Variants in TTC34 observed in about 807,000 individuals in gnomAD.
The protein encoded by TTC34 is tetratricopeptide repeat protein 34.
In TTC34, 44 loss-of-function variants were observed where a neutral mutation model predicts 40.7. The observed-to-expected ratio is 1.08, with a 90% confidence interval of 0.85 to 1.39. The LOEUF (loss-of-function observed/expected upper bound fraction) is 1.39, where lower values mean the gene tolerates loss of function less well. Among genes scored for constraint, TTC34 ranks in the 40% most tolerant of loss-of-function variants. The pLI is 0.00. For synonymous variants in TTC34, 422 were observed against 398.6 expected, an observed-to-expected ratio of 1.06 and a Z score of -0.70; for missense variants, 884 against 838.0, an observed-to-expected ratio of 1.05 and a Z score of -0.68.
At chr1:2,797,377 T>G (rs1643718624) in intron 2 of TTC34, among the ~76,000 whole-genome samples, 1 of 152,204 alleles carries the variant, frequency 6.6e-6, no homozygotes, top group African/African-American at 2.4e-5. Context: ...GGAGGTCCTG[T>G]CTGCTCCAGG....
chr1:2,685,230 C>A (rs1345836645), intron 6 of TTC34, among the ~76,000 whole-genome samples: 25 of 73,502 alleles, frequency 3.4e-4, no homozygotes, highest in South Asian at 1.6e-3. Context: ...CGTGGAGCAG[C>A]ACCCACACCC....
chr1:2,793,524 G>A (rs1275793754), intron 2 of TTC34, among the ~76,000 whole-genome samples: 2 of 152,078 alleles, frequency 1.3e-5, no homozygotes, highest in Non-Finnish European at 2.9e-5. Context: ...TTGATTCCCT[G>A]TTTTGTATCT....
exon 9 of TTC34, chr1:2,637,648 T>C (rs1638818814): frequency 6.6e-6 from 1 of 152,138 alleles, no homozygotes; most frequent in Non-Finnish European, 1.5e-5. Context: ...GCCACGAGGA[T>C]GACCACAACC....
chr1:2,769,325 T>G (rs1350519647), intron 6 of TTC34, among the ~76,000 whole-genome samples: 1 of 2,968 alleles, frequency 3.4e-4, no homozygotes, highest in Admixed American at 4.3e-3. Context: ...GCATCTGACA[T>G]CCTGGAACAG....
chr1:2,764,046 AAT>A (rs1641715672), intron 6 of TTC34, among the ~76,000 whole-genome samples: 1 of 113,298 alleles, frequency 8.8e-6, no homozygotes, highest in African/African-American at 3.5e-5. Flanking sequence ...GACCGCATGG[AAT>A]GGCATCCTCA....
intron 6 of TTC34, among the ~76,000 whole-genome samples, chr1:2,675,156 C>T (rs1186583336): frequency 2.8e-4 from 38 of 134,592 alleles, no homozygotes; most frequent in African/African-American, 9.1e-4. Context: ...TAGCAGCACC[C>T]ACACCCCCAG....
intron 6 of TTC34, among the ~76,000 whole-genome samples, chr1:2,761,351 G>T (rs1459610487): frequency 9.8e-5 from 4 of 40,714 alleles, no homozygotes; most frequent in African/African-American, 4.4e-4. Context: ...ACAGCCTGGA[G>T]CAGCACCCAC....
intron 6 of TTC34, among the ~76,000 whole-genome samples, chr1:2,692,547 C>T (rs1203837813): frequency 1.7e-5 from 2 of 116,572 alleles, no homozygotes; most frequent in African/African-American, 6.0e-5. Context: ...ACCCACACCC[C>T]CAGGCGAGCA....
At chr1:2,694,074 G>A (rs1640750125) in intron 6 of TTC34, among the ~76,000 whole-genome samples, 4 of 145,856 alleles carry the variant, frequency 2.7e-5, no homozygotes, top group Admixed American at 6.7e-5. Context: ...ACACACCCAG[G>A]TGAGCATCTG....
chr1:2,783,846 C>T (rs1474513604), intron 5 of TTC34, 71 bp from the exon 6 acceptor site: 3 of 1,330,684 alleles, frequency 2.3e-6, no homozygotes, highest in African/African-American at 1.5e-5. Context: ...TCCTGCCCAG[C>T]CCGGGGAGGG....
intron 6 of TTC34, among the ~76,000 whole-genome samples, chr1:2,685,235 A>C (rs1570810260): frequency 2.8e-4 from 13 of 45,898 alleles, no homozygotes; most frequent in Non-Finnish European, 4.6e-4. Context: ...AGCAGCACCC[A>C]CACCCCAGGT....
In TTC34 at chr1:2,645,253, G is replaced by A; in HGVS notation, c.2497+40C>T. On this transcript the variant is annotated intron_variant, in intron 7 of 8. Transcript: ENST00000401095. This position sits in a 1 kb window ranked among gnomAD's most constrained non-coding sequence, Gnocchi z 4.7. ...AGAGGTCAGAGGAGCGGGGACAGAA[G>A]CCCAGACCCCGTGTTTCCCACCTTG... 7.0e-7 allele frequency: 1 copy of A among 1,437,016 alleles called. No homozygotes were observed. Among genetic ancestry groups the A allele is most frequent in the South Asian group, 1.5e-5 (1 of 68,276 alleles). 89.0% of individuals were successfully genotyped at this position (1,437,016 alleles called of 1,614,324 possible).
At chr1:2,643,065 G>A (rs549850234) in intron 8 of TTC34, among the ~76,000 whole-genome samples, 3 of 152,150 alleles carry the variant, frequency 2.0e-5, no homozygotes, top group African/African-American at 7.2e-5. Context: ...CCGCACATTT[G>A]GGCCGGGTCC....
At chr1:2,768,189 T>A (rs534069967) in intron 6 of TTC34, among the ~76,000 whole-genome samples, 13 of 151,986 alleles carry the variant, frequency 8.6e-5, no homozygotes, top group Non-Finnish European at 1.8e-4. Context: ...TCTGACAGCC[T>A]GGAGCAGCAG....
chr1:2,683,987 TC>T (rs1557607716), intron 6 of TTC34, among the ~76,000 whole-genome samples: 1 of 33,058 alleles, frequency 3.0e-5, no homozygotes, highest in Non-Finnish European at 5.8e-5. Context: ...TGGAGCAGCA[TC>T]CTGCACCCCC....
chr1:2,776,022 G>T lies in TTC34; in HGVS notation c.2226+7587C>A, dbSNP rs533709721. ...CCCACCACAAGGTGAGCATATGACA[G>T]CCCGGAACAACACCCTCCACCCCCA... On this transcript the variant is annotated intron_variant, in intron 6 of 8. Transcript: ENST00000401095. 11 of 123,136 alleles carry T rather than the reference G, an allele frequency of 8.9e-5. 1 individual carries two copies. In the East Asian group the frequency reaches 2.6e-3, roughly 29 times the overall value. 7.6% of individuals were successfully genotyped at this position (123,136 alleles called of 1,614,324 possible). A position where few individuals can be genotyped will look rare whatever the true frequency, so the allele number is the denominator to read the frequency against.
rs189081543 is a variant in TTC34 at position 2,799,123 on chromosome 1, C to A, written c.784+921G>T. 5.3e-5 allele frequency among the ~76,000 whole-genome samples: 8 copies of A among 151,076 alleles called. No individual in the cohort carries two copies. In the East Asian group the frequency reaches 1.6e-3, roughly 30 times the overall value. Reference sequence around the variant, plus strand: ...CCAGCCTCTCAGCCTCCCGGCCTCCCGGCCTCCCAGCCTCCCAGCCTCCTA... The same window carrying A: ...CCAGCCTCTCAGCCTCCCGGCCTCCAGGCCTCCCAGCCTCCCAGCCTCCTA... On this transcript the variant is annotated intron_variant, in intron 2 of 8. Coordinates refer to ENST00000401095, the Ensembl canonical transcript of TTC34.
intron 6 of TTC34, among the ~76,000 whole-genome samples, chr1:2,750,445 A>C (rs1204218878): frequency 0.23 from 4,408 of 18,798 alleles, 1,364 homozygotes; most frequent in African/African-American, 0.56. Flanking sequence ...GCACCCACAC[A>C]CCCAGGCGAG....
At chr1:2,759,500 C>T (rs1424626672) in intron 6 of TTC34, among the ~76,000 whole-genome samples, 11 of 134,198 alleles carry the variant, frequency 8.2e-5, no homozygotes, top group African/African-American at 2.9e-4. Context: ...CATCGGGCAG[C>T]CTGGAGCAGC....
Sources: allele counts gnomAD v4.1 joint callset (sites outside exome capture counted in the v4.1 genomes callset), GRCh38; gene constraint gnomAD v4.1.1; non-coding constraint Gnocchi (gnomAD v3.1); transcripts MANE v1.5; gene names NCBI Gene and HGNC (gene_info 2026-07-23, HGNC 2026-07-21).